The following CSMD1 variants were observed in gnomAD, a reference collection of about 807,000 sequenced individuals.
CSMD1 encodes the protein CUB and sushi domain-containing protein 1.
CSMD1 carries 213 observed loss-of-function variants against 417.5 expected under a neutral mutation model. The ratio of observed to expected loss-of-function variants is 0.51; its 90% CI spans 0.46 to 0.57. The LOEUF is 0.57. Ranked by LOEUF, CSMD1 falls within the 20% of genes least tolerant of loss-of-function variation. CSMD1 has a pLI of 0.00. For missense variants in CSMD1, 6,923 were observed against 4,529.7 expected, an observed-to-expected ratio of 1.53 and a Z score of -15.17; for synonymous variants, 2,862 against 1,736.8, an observed-to-expected ratio of 1.65 and a Z score of -16.11.
chr8:3,560,478 C>G (rs1248255959), intron 10 of CSMD1, among the ~76,000 whole-genome samples: 1 of 152,130 alleles, frequency 6.6e-6, no homozygotes, highest in Admixed American at 6.5e-5. Flanking sequence ...ACTGATTCTT[C>G]TCATGCTGTA....
chr8:4,365,378 G>T (rs978590259), intron 3 of CSMD1, among the ~76,000 whole-genome samples: 2 of 152,076 alleles, frequency 1.3e-5, no homozygotes, highest in African/African-American at 4.8e-5. Context: ...TCACATTTCT[G>T]TATTTTAGGT....
chr8:4,087,649 C>A (rs989294838), intron 3 of CSMD1, among the ~76,000 whole-genome samples: 1 of 152,128 alleles, frequency 6.6e-6, no homozygotes, highest in East Asian at 1.9e-4. Context: ...CACATTCTTA[C>A]TCTTTCTCAT....
At chr8:4,944,154 G>C (rs1416194996) in intron 1 of CSMD1, among the ~76,000 whole-genome samples, 2 of 152,126 alleles carry the variant, frequency 1.3e-5, no homozygotes, top group South Asian at 2.1e-4. Context: ...TATCTTGGAA[G>C]TCTCATGAAA....
rs546096356 is a variant in CSMD1 at position 3,346,217 on chromosome 8, A to T, written c.3474+1775T>A. Among the ~76,000 whole-genome samples, 9 of 145,066 alleles carry T rather than the reference A, an allele frequency of 6.2e-5. No individual in the cohort carries two copies. In the South Asian group the frequency reaches 1.8e-3, roughly 30 times the overall value. On this transcript the variant is annotated intron_variant, in intron 22 of 69. Transcript: ENST00000635120. ...GTGAGAAGCACGTTTTTTTAAAAAC[A>T]ACTTTTTGTTATAATCAACTTTAAA...
intron 3 of CSMD1, among the ~76,000 whole-genome samples, chr8:4,131,114 C>T (rs939563578): frequency 6.6e-6 from 1 of 152,162 alleles, no homozygotes; most frequent in African/African-American, 2.4e-5. Context: ...AGGAGAACCA[C>T]TGCTTATTCA....
chr8:3,296,012 C>T (rs4875549), intron 25 of CSMD1, among the ~76,000 whole-genome samples: 136,832 of 151,958 alleles, frequency 0.9, 61,961 homozygotes, highest in Middle Eastern at 0.95. Flanking sequence ...ACAGCATCCA[C>T]AATAATACAG....
chr8:3,724,919 C>A (rs114726142), intron 6 of CSMD1, among the ~76,000 whole-genome samples: 5 of 152,154 alleles, frequency 3.3e-5, no homozygotes, highest in East Asian at 3.8e-4. Context: ...GAAGCACATG[C>A]CCCACTATGT....
At chr8:4,258,631 G>A (rs1345228435) in intron 3 of CSMD1, among the ~76,000 whole-genome samples, 2 of 119,906 alleles carry the variant, frequency 1.7e-5, no homozygotes, top group Admixed American at 1.7e-4. Context: ...ATTCTAACAT[G>A]AGGGCCCCAC....
intron 1 of CSMD1, among the ~76,000 whole-genome samples, chr8:4,662,430 C>T (rs1804663599): frequency 6.6e-6 from 1 of 152,146 alleles, no homozygotes. Flanking sequence ...ACACGCTTTT[C>T]TTTTAATAAC....
chr8:4,918,041 T>C (rs1454837049), intron 1 of CSMD1, among the ~76,000 whole-genome samples: 7 of 152,208 alleles, frequency 4.6e-5, no homozygotes, highest in African/African-American at 1.7e-4. Context: ...AATACTAGAC[T>C]TTGTGATGTT....
At chr8:3,881,118 G>C (rs909133590) in intron 5 of CSMD1, among the ~76,000 whole-genome samples, 6 of 152,022 alleles carry the variant, frequency 3.9e-5, no homozygotes, top group African/African-American at 9.7e-5. Context: ...CTGAAATTAA[G>C]AAGATCTAAA....
intron 5 of CSMD1, among the ~76,000 whole-genome samples, chr8:3,824,501 A>G (rs7830364): frequency 0.024 from 3,657 of 152,250 alleles, 62 homozygotes; most frequent in African/African-American, 0.042. Context: ...CACTAGCCAT[A>G]AGCAGCCACG....
At chr8:3,460,824 C>T (rs113928009) in intron 12 of CSMD1, among the ~76,000 whole-genome samples, 4 of 152,254 alleles carry the variant, frequency 2.6e-5, no homozygotes, top group East Asian at 1.9e-4. Flanking sequence ...TGGGTAAGAA[C>T]AGACAATGCT....
At position 3,182,578 on chromosome 8, in the gene CSMD1, C is replaced by CTG. The variant is rs35090952; in HGVS notation, c.5621-1366_5621-1365dup. Among the ~76,000 whole-genome samples, 363 of 94,120 alleles carry CTG rather than the reference C, an allele frequency of 3.9e-3. 2 individuals carry two copies. The highest frequency in any genetic ancestry group is 6.1e-3 in the East Asian group (17 of 2,808). The allele number at this position is 94,120 out of a possible 152,430, so 61.7% of individuals were successfully genotyped here. ...ACTCTGGCTGTCTTTTTATAAGAAG[C>CTG]TGTGTGTGTGTGTGTGTGTGTGTGT... On this transcript the variant is annotated intron_variant, in intron 36 of 69. Coordinates refer to ENST00000635120, the MANE Select transcript of CSMD1 (RefSeq NM_033225.6).
chr8:4,105,737 G>C (rs1452009037), intron 3 of CSMD1, among the ~76,000 whole-genome samples: 2 of 152,168 alleles, frequency 1.3e-5, no homozygotes, highest in Admixed American at 1.3e-4. Flanking sequence ...CAGCTTTCTG[G>C]ATCGTAGTAA....
At chr8:3,225,318 C>A (rs142074058) in intron 27 of CSMD1, among the ~76,000 whole-genome samples, 226 of 151,728 alleles carry the variant, frequency 1.5e-3, no homozygotes, top group African/African-American at 4.8e-3. Flanking sequence ...ATAAATTCCA[C>A]AGATATACGT....
At chr8:3,416,803 T>C (rs1170695457) in intron 12 of CSMD1, among the ~76,000 whole-genome samples, 1 of 152,244 alleles carries the variant, frequency 6.6e-6, no homozygotes, top group Non-Finnish European at 1.5e-5. Flanking sequence ...CTCTGTGACC[T>C]GTCTCCACAA....
chr8:4,630,320 T>C (rs1321060536), intron 2 of CSMD1, among the ~76,000 whole-genome samples: 1 of 151,060 alleles, frequency 6.6e-6, no homozygotes. Flanking sequence ...ACAGTTGTTG[T>C]CAACTAAGGC....
chr8:4,678,398 A>T, intron 1 of CSMD1, among the ~76,000 whole-genome samples: 1 of 152,032 alleles, frequency 6.6e-6, no homozygotes, highest in East Asian at 1.9e-4. Context: ...GCAACAGAGC[A>T]AGACTCTGTC....
Sources: allele counts gnomAD v4.1 joint callset (sites outside exome capture counted in the v4.1 genomes callset), GRCh38; gene constraint gnomAD v4.1.1; transcripts MANE v1.5; gene names NCBI Gene and HGNC (gene_info 2026-07-23, HGNC 2026-07-21).